The following CADPS2 variants were observed in gnomAD, a reference collection of about 807,000 sequenced individuals.
CADPS2 encodes calcium-dependent secretion activator 2.
In CADPS2, 93 loss-of-function variants were observed where a neutral mutation model predicts 172.5. The observed-to-expected ratio is 0.54, with a 90% confidence interval of 0.46 to 0.64. The LOEUF (loss-of-function observed/expected upper bound fraction) is 0.64, where lower values mean the gene tolerates loss of function less well. Ranked by LOEUF, CADPS2 falls within the 30% of genes least tolerant of loss-of-function variation. The pLI is 0.00. For missense variants in CADPS2, 1,420 were observed against 1,565.9 expected (o/e 0.91, Z 1.57); for synonymous variants, 546 against 555.2 (o/e 0.98, Z 0.23).
At chr7:122,326,219 T>C (rs1163162977) in intron 28 of CADPS2, among the ~76,000 whole-genome samples, 2 of 152,106 alleles carry the variant, frequency 1.3e-5, no homozygotes, top group African/African-American at 4.8e-5. Flanking sequence ...ATTGAATTTT[T>C]GTAAGAATCA....
At position 122,329,410 on chromosome 7, in the gene CADPS2, C is replaced by T. The variant is rs146933913; in HGVS notation, c.3613-3829G>A. ...CTGTAAAGGGCTCTGCTCTTGGGGCCGGGGAGCACTAACAATAGAACAAGC... is the reference window on the plus strand; with the variant it reads ...CTGTAAAGGGCTCTGCTCTTGGGGCTGGGGAGCACTAACAATAGAACAAGC... On this transcript the variant is annotated intron_variant, in intron 28 of 29. Transcript: ENST00000449022. Among the ~76,000 whole-genome samples, 721 of 152,204 alleles carry T rather than the reference C, an allele frequency of 4.7e-3. 3 individuals carry two copies. Among genetic ancestry groups the T allele is most frequent in the South Asian group, 8.3e-3 (40 of 4,818 alleles).
chr7:122,847,153 C>T (rs1057131436), intron 1 of CADPS2, among the ~76,000 whole-genome samples: 3 of 152,070 alleles, frequency 2.0e-5, no homozygotes, highest in African/African-American at 7.2e-5. Flanking sequence ...GTGGCGCAAT[C>T]TCAGCTCACT....
intron 11 of CADPS2, among the ~76,000 whole-genome samples, chr7:122,484,247 T>C (rs1037874184): frequency 4.6e-5 from 7 of 152,180 alleles, no homozygotes; most frequent in Admixed American, 2.0e-4. Flanking sequence ...TTTGGAGGAC[T>C]TGGACTACCT....
intron 3 of CADPS2, among the ~76,000 whole-genome samples, chr7:122,642,332 C>T (rs1380920018): frequency 6.6e-6 from 1 of 151,106 alleles, no homozygotes; most frequent in East Asian, 1.9e-4. Flanking sequence ...GTCTATTAGT[C>T]TTGCCTTACA....
At chr7:122,656,199 ACTTTC>A (rs1434216368) in intron 3 of CADPS2, among the ~76,000 whole-genome samples, 1 of 152,122 alleles carries the variant, frequency 6.6e-6, no homozygotes, top group Non-Finnish European at 1.5e-5. Flanking sequence ...ACTTTGCTGG[ACTTTC>A]CTTTCAGTTA....
chr7:122,605,507 C>A (rs918222484), intron 6 of CADPS2, among the ~76,000 whole-genome samples: 6 of 152,100 alleles, frequency 3.9e-5, no homozygotes, highest in African/African-American at 1.4e-4. Flanking sequence ...AAACTCTTTA[C>A]AGAAATTTAC....
chr7:122,355,100 T>C (rs2039204132), intron 27 of CADPS2, among the ~76,000 whole-genome samples: 1 of 152,158 alleles, frequency 6.6e-6, no homozygotes, highest in African/African-American at 2.4e-5. Context: ...AAAGACTATG[T>C]TTATTATATT....
At chr7:122,441,641 T>G in intron 15 of CADPS2, 66 bp from the exon 16 acceptor site, 1 of 974,552 alleles carries the variant, frequency 1.0e-6, no homozygotes, top group Non-Finnish European at 1.5e-6. Flanking sequence ...AAATAATTCC[T>G]GCTTGTATTA....
intron 1 of CADPS2, among the ~76,000 whole-genome samples, chr7:122,756,165 C>T (rs756695453): frequency 6.6e-6 from 1 of 152,044 alleles, no homozygotes; most frequent in Non-Finnish European, 1.5e-5. Context: ...TTACAAAAGG[C>T]GACTAACTTA....
chr7:122,430,070 G>A (rs1463006384), intron 17 of CADPS2, among the ~76,000 whole-genome samples: 2 of 151,984 alleles, frequency 1.3e-5, no homozygotes, highest in Non-Finnish European at 2.9e-5. Flanking sequence ...TAGGCAGTCT[G>A]GGCCTCTGGG....
chr7:122,472,705 T>C lies in CADPS2; in HGVS notation c.1999-1143A>G, dbSNP rs570803852. 1.2e-3 allele frequency among the ~76,000 whole-genome samples: 176 copies of C among 152,304 alleles called. 7 individuals are homozygous for C. In the South Asian group the frequency reaches 0.033, roughly 29 times the overall value. On this transcript the variant is annotated intron_variant, in intron 13 of 29. Transcript: ENST00000449022. ...CTATCCCTTATTGATGTTCACTCTA[T>C]GTGTTTGTCCATGAAAAGATAGAAT... is the stretch of plus-strand genomic sequence containing the variant.
chr7:122,637,806 G>A (rs2077223920), intron 3 of CADPS2, among the ~76,000 whole-genome samples: 2 of 152,196 alleles, frequency 1.3e-5, no homozygotes, highest in Admixed American at 6.5e-5. Context: ...TCCTTTAACT[G>A]TGACATAAGT....
chr7:122,487,003 AAACAT>A (rs2057877121), intron 11 of CADPS2, among the ~76,000 whole-genome samples: 1 of 148,286 alleles, frequency 6.7e-6, no homozygotes, highest in Non-Finnish European at 1.5e-5. Context: ...AGTGTAGTAT[AAACAT>A]AACTTTTTTT....
At chr7:122,476,479 T>C (rs1230139911) in intron 12 of CADPS2, among the ~76,000 whole-genome samples, 1 of 152,174 alleles carries the variant, frequency 6.6e-6, no homozygotes, top group Non-Finnish European at 1.5e-5. Context: ...ATTTCTATAA[T>C]TAAATCATAT....
intron 7 of CADPS2, among the ~76,000 whole-genome samples, chr7:122,557,296 C>A (rs1267692501): frequency 2.0e-5 from 3 of 152,128 alleles, no homozygotes; most frequent in African/African-American, 7.2e-5. Flanking sequence ...GCCCAGAGGG[C>A]CATGGAGAAT....
chr7:122,752,887 A>G (rs1025922672), intron 1 of CADPS2, among the ~76,000 whole-genome samples: 23 of 152,288 alleles, frequency 1.5e-4, no homozygotes, highest in African/African-American at 5.5e-4. Context: ...CACATAAAAG[A>G]GAAAAGAAAG....
chr7:122,833,812 C>A (rs1267880151), intron 1 of CADPS2, among the ~76,000 whole-genome samples: 1 of 152,070 alleles, frequency 6.6e-6, no homozygotes, highest in Admixed American at 6.5e-5. Flanking sequence ...TACCCAAAGA[C>A]GGCACCCTTA....
At chr7:122,827,587 G>A (rs570236355) in intron 1 of CADPS2, among the ~76,000 whole-genome samples, 95 of 151,180 alleles carry the variant, frequency 6.3e-4, no homozygotes, top group African/African-American at 2.2e-3. Context: ...AGCCAAGATC[G>A]TGCCATTGCA....
Position 122,613,417 on chromosome 7 carries a change from C to T in CADPS2, c.1223+1764G>A, listed in dbSNP as rs545338756. On this transcript the variant is annotated intron_variant, in intron 6 of 29. Transcript: ENST00000449022. The stretch of plus-strand genomic sequence containing the variant: ...CAAGAAAATTGTAATGGTGCTAGGA[C>T]ATTTAGCTTTCCATATGAAATATAT... Among the ~76,000 whole-genome samples the T allele has an allele frequency of 1.2e-4, 18 of 152,176 alleles. No individual in the cohort carries two copies. In the South Asian group the frequency reaches 3.7e-3, roughly 32 times the overall value.
Sources: allele counts gnomAD v4.1 joint callset (sites outside exome capture counted in the v4.1 genomes callset), GRCh38; gene constraint gnomAD v4.1.1; transcripts MANE v1.5; gene names NCBI Gene and HGNC (gene_info 2026-07-23, HGNC 2026-07-21).